The following FBXW8 variants were observed in gnomAD, a reference collection of about 807,000 sequenced individuals.
FBXW8 encodes the protein F-box/WD repeat-containing protein 8.
FBXW8 carries 57 observed loss-of-function variants against 65.3 expected under a neutral mutation model. The ratio of observed to expected loss-of-function variants is 0.87; its 90% CI spans 0.71 to 1.09. The LOEUF (loss-of-function observed/expected upper bound fraction) is 1.09. Ranked by LOEUF, FBXW8 falls within the 50% of genes least tolerant of loss-of-function variation. The pLI, the probability that FBXW8 is intolerant of heterozygous loss-of-function variation, is 0.00. For missense variants in FBXW8, 777 were observed against 814.8 expected (o/e 0.95, Z 0.57); for synonymous variants, 308 against 330.2 (o/e 0.93, Z 0.73).
intron 8 of FBXW8, 143 bp from the exon 9 acceptor site, chr12:117,024,004 C>T (rs1273546022): frequency 1.3e-6 from 1 of 781,050 alleles, no homozygotes; most frequent in Non-Finnish European, 2.0e-6. Flanking sequence ...TGCTTGATGT[C>T]CTTATTATCG....
Position 116,940,797 on chromosome 12 carries a change from C to T in FBXW8, c.424-4567C>T, listed in dbSNP as rs543934620. On this transcript the variant is annotated intron_variant, in intron 2 of 10. Coordinates refer to ENST00000652555, the MANE Select transcript of FBXW8 (RefSeq NM_153348.3). ...TACAAGTAAAGCAGAAAACCAGTGT[C>T]TGATAAGATCCTTCTGTGCATGGGA... Among the ~76,000 whole-genome samples, 434 of 152,228 alleles carry T rather than the reference C, an allele frequency of 2.9e-3. 1 individual carries two copies. Among genetic ancestry groups the T allele is most frequent in the African/African-American group, 9.8e-3 (406 of 41,528 alleles).
At chr12:116,967,207 G>A (rs921976059) in intron 5 of FBXW8, among the ~76,000 whole-genome samples, 3 of 143,896 alleles carry the variant, frequency 2.1e-5, no homozygotes, top group East Asian at 2.0e-4. Context: ...GTGATCTTCC[G>A]TGTTCACACT....
intron 5 of FBXW8, among the ~76,000 whole-genome samples, chr12:116,968,992 G>A (rs956958501): frequency 6.6e-6 from 1 of 151,924 alleles, no homozygotes; most frequent in African/African-American, 2.4e-5. Context: ...CTACCTAACT[G>A]GTTTGAGGTG....
At chr12:116,996,618 AAAGT>A (rs1953383785) in intron 7 of FBXW8, among the ~76,000 whole-genome samples, 1 of 152,218 alleles carries the variant, frequency 6.6e-6, no homozygotes, top group Admixed American at 6.5e-5. Context: ...GAAAGTTCAC[AAAGT>A]AAATGTCTAA....
rs1879884020 is a variant in FBXW8 at position 116,911,125 on chromosome 12, G to A, written c.88G>A (p.Glu30Lys). 2.9e-6 allele frequency: 4 copies of A among 1,378,260 alleles called. No individual in the cohort carries two copies. The highest frequency in any genetic ancestry group is 2.4e-4 in the Middle Eastern group (1 of 4,252). 85.4% of individuals were successfully genotyped at this position (1,378,260 alleles called of 1,614,324 possible). The change falls in exon 1 of 11, where the codon GAG becomes AAG. Residue 30 changes from glutamate to lysine, a missense_variant. Glu to Lys is a moderately conservative substitution (Grantham distance 56). Transcript: ENST00000652555. ...GGCGCCGAAGAAGCGGCGACGGCCC[G>A]AGGCTGCCGAGAGGCGGGCTCGGCG... ...AQAPKKRRRP[E>K]AAERRARRPE... is the part of the protein sequence containing the mutation.
chr12:116,956,653 A>G (rs543532229), intron 4 of FBXW8, among the ~76,000 whole-genome samples: 39 of 152,294 alleles, frequency 2.6e-4, no homozygotes, highest in East Asian at 9.6e-4. Context: ...TTGTTTTACA[A>G]TTAAGAAGTA....
At chr12:116,926,211 G>T (rs1291077431) in intron 1 of FBXW8, among the ~76,000 whole-genome samples, 1 of 152,202 alleles carries the variant, frequency 6.6e-6, no homozygotes, top group Non-Finnish European at 1.5e-5. Flanking sequence ...ATTGAAGAAA[G>T]CAATGCCTGC....
chr12:116,922,995 G>A (rs946311076), intron 1 of FBXW8, among the ~76,000 whole-genome samples: 1 of 152,004 alleles, frequency 6.6e-6, no homozygotes, highest in Non-Finnish European at 1.5e-5. Context: ...GGTGGAGGCC[G>A]AGAGTTCGAG....
At position 116,988,678 on chromosome 12, in the gene FBXW8, A is replaced by G; in HGVS notation, c.1048A>G (p.Ile350Val). 6.2e-7 allele frequency: 1 copy of G among 1,614,164 alleles called. No homozygotes were observed. The highest frequency in any genetic ancestry group is 8.5e-7 in the Non-Finnish European group (1 of 1,180,024). ...EVPKLVQYLE[I>V]VPETRRYPVA... ...CTTTTAACAGGTTCAGTACCTTGAAATAGTTCCAGAAACCAGAAGGTACCC... is the reference window on the plus strand; with the variant it reads ...CTTTTAACAGGTTCAGTACCTTGAAGTAGTTCCAGAAACCAGAAGGTACCC... Residue 350 changes from isoleucine (I) to valine (V), a missense_variant, in exon 7 of 11, where the codon ATA becomes GTA. Coordinates refer to ENST00000652555, the MANE Select transcript of FBXW8 (RefSeq NM_153348.3).
intron 5 of FBXW8, among the ~76,000 whole-genome samples, chr12:116,975,709 C>G (rs1252774908): frequency 6.6e-6 from 1 of 152,148 alleles, no homozygotes. Flanking sequence ...ACATAATGCA[C>G]TGGGAAGGCA....
chr12:117,001,007 T>C (rs1953507733), intron 7 of FBXW8, among the ~76,000 whole-genome samples: 1 of 152,140 alleles, frequency 6.6e-6, no homozygotes, highest in South Asian at 2.1e-4. Flanking sequence ...CTCAGTTTCT[T>C]GATGCACAAA....
At chr12:116,944,707 AC>A (rs1429841875) in intron 2 of FBXW8, among the ~76,000 whole-genome samples, 1 of 152,204 alleles carries the variant, frequency 6.6e-6, no homozygotes, top group Non-Finnish European at 1.5e-5. Flanking sequence ...GTGTTGGAAA[AC>A]AAAATGCTAA....
At chr12:116,939,578 A>G (rs188407516) in intron 2 of FBXW8, among the ~76,000 whole-genome samples, 16 of 152,258 alleles carry the variant, frequency 1.1e-4, no homozygotes, top group African/African-American at 1.4e-4. Flanking sequence ...TGATCTCTTG[A>G]TTACTCTTGA....
At chr12:116,977,819 C>T (rs1167751810) in intron 5 of FBXW8, 2 of 152,344 alleles carry the variant, frequency 1.3e-5, no homozygotes, top group Non-Finnish European at 2.9e-5. Context: ...GGAAATTCTT[C>T]TATCTAGTCA....
chr12:116,938,056 A>G (rs1882286965), intron 2 of FBXW8, among the ~76,000 whole-genome samples: 1 of 152,096 alleles, frequency 6.6e-6, no homozygotes, highest in Non-Finnish European at 1.5e-5. Context: ...ATAAAACTTA[A>G]GGAATCAAAA....
chr12:117,027,252 T>C, intron 9 of FBXW8, 142 bp from the exon 10 acceptor site: 1 of 668,288 alleles, frequency 1.5e-6, no homozygotes, highest in Non-Finnish European at 2.6e-6. Flanking sequence ...ACTGCTTCCA[T>C]GGGGGCCCTG....
At chr12:117,027,039 A>C (rs1011876334) in intron 9 of FBXW8, among the ~76,000 whole-genome samples, 1 of 152,082 alleles carries the variant, frequency 6.6e-6, no homozygotes, top group African/African-American at 2.4e-5. Flanking sequence ...GGAAAGCTCA[A>C]GGGACTTGCC....
Position 116,949,645 on chromosome 12 carries a change from G to T in FBXW8, c.616G>T (p.Glu206Ter). 1 of 1,614,204 alleles carries T rather than the reference G, an allele frequency of 6.2e-7. No individual in the cohort carries two copies. Among genetic ancestry groups the T allele is most frequent in the South Asian group, 1.1e-5 (1 of 91,076 alleles). Residue 206 changes from glutamate to a stop codon, truncating the protein, a stop_gained, in exon 4 of 11, where the codon GAG becomes TAG. Transcript: ENST00000652555. LOFTEE classifies it high-confidence loss of function. ...TCGCAAAGGTGCCGTGAGCGAGCTGGAGCATGTTCCTGACACAGTTTTGTG... is the reference window on the plus strand; with the variant it reads ...TCGCAAAGGTGCCGTGAGCGAGCTGTAGCATGTTCCTGACACAGTTTTGTG... ...KNRKGAVSEL[E>*]HVPDTVLCDV...
At chr12:117,001,237 G>A (rs1953512960) in intron 7 of FBXW8, among the ~76,000 whole-genome samples, 1 of 152,172 alleles carries the variant, frequency 6.6e-6, no homozygotes, top group South Asian at 2.1e-4. Flanking sequence ...AGGGAGCTGG[G>A]GGGAGCCCCT....
Sources: allele counts gnomAD v4.1 joint callset (sites outside exome capture counted in the v4.1 genomes callset), GRCh38; gene constraint gnomAD v4.1.1; transcripts MANE v1.5; gene names NCBI Gene and HGNC (gene_info 2026-07-23, HGNC 2026-07-21).